Variants in NFATC3 observed in about 807,000 individuals in gnomAD.
The protein encoded by NFATC3 is nuclear factor of activated T cells 3, also known as nuclear factor of activated T-cells, cytoplasmic 3.
In NFATC3, 46 loss-of-function variants were observed where a neutral mutation model predicts 98.6. That is an observed-to-expected ratio of 0.47 (90% CI 0.37 to 0.60). The LOEUF (loss-of-function observed/expected upper bound fraction) is 0.60. Ranked by LOEUF, NFATC3 falls within the 20% of genes least tolerant of loss-of-function variation. The probability of loss-of-function intolerance (pLI) is 0.00; values close to 1 mark genes in which losing one functional copy is unlikely to be tolerated. For synonymous variants in NFATC3, 512 were observed against 472.2 expected, an observed-to-expected ratio of 1.08 and a Z score of -1.09; for missense variants, 1,256 against 1,295.5, an observed-to-expected ratio of 0.97 and a Z score of 0.47.
At chr16:68,118,358 G>A (rs1295930513) in intron 1 of NFATC3, among the ~76,000 whole-genome samples, 1 of 151,980 alleles carries the variant, frequency 6.6e-6, no homozygotes, top group African/African-American at 2.4e-5. Flanking sequence ...TGAGGGCGGG[G>A]GACCATATGT....
At position 68,227,936 on chromosome 16, in the gene NFATC3, ATT is replaced by A. The variant is rs1265265699; in HGVS notation, c.*1470_*1471del. 6.6e-6 allele frequency: 1 copy of A among 152,062 alleles called. No individual in the cohort carries two copies. Among genetic ancestry groups the A allele is most frequent in the African/African-American group, 2.4e-5 (1 of 41,386 alleles). 9.4% of individuals were successfully genotyped at this position (152,062 alleles called of 1,614,324 possible). On this transcript the variant is annotated 3_prime_UTR_variant, in exon 10 of 10. Coordinates refer to ENST00000346183, the MANE Select transcript of NFATC3 (RefSeq NM_173165.3). ...ATACTTCCATTGATTCAGGAAGCAG[ATT>A]TTTTGAGTGCCTATATGTGAGACAG... is the stretch of plus-strand genomic sequence containing the variant.
intron 9 of NFATC3, among the ~76,000 whole-genome samples, chr16:68,216,731 C>T (rs934690696): frequency 1.2e-4 from 18 of 152,004 alleles, no homozygotes; most frequent in African/African-American, 4.1e-4. Flanking sequence ...TGGGATTTCA[C>T]CGTGTTGGCC....
At chr16:68,149,768 AT>A (rs2038219630) in intron 3 of NFATC3, among the ~76,000 whole-genome samples, 1 of 152,236 alleles carries the variant, frequency 6.6e-6, no homozygotes. Flanking sequence ...CAAAGGGTTA[AT>A]ATGCTTAGTA....
intron 9 of NFATC3, among the ~76,000 whole-genome samples, chr16:68,198,650 T>G (rs1305350139): frequency 6.6e-6 from 1 of 151,624 alleles, no homozygotes; most frequent in Non-Finnish European, 1.5e-5. Flanking sequence ...GGTTCATGCC[T>G]TGTAATCCCA....
In NFATC3 at chr16:68,174,516, T is replaced by C; in HGVS notation, c.1915+2T>C. On this transcript the variant is annotated splice_donor_variant, in intron 6 of 9. Transcript: ENST00000346183. LOFTEE classifies it high-confidence loss of function. The stretch of plus-strand genomic sequence containing the variant: ...TCATTTTTCTTGAAAAAGGACAAGG[T>C]AAGTAATATATGAGTTGATTGACTT... 1 of 1,593,546 alleles carries C rather than the reference T, an allele frequency of 6.3e-7. No individual in the cohort carries two copies. Among genetic ancestry groups the C allele is most frequent in the East Asian group, 2.3e-5 (1 of 44,362 alleles).
At chr16:68,181,945 C>T (rs1288539851) in intron 7 of NFATC3, among the ~76,000 whole-genome samples, 4 of 151,706 alleles carry the variant, frequency 2.6e-5, no homozygotes, top group East Asian at 3.9e-4. Flanking sequence ...AAATTTCTAG[C>T]GGTTTGGAAG....
At chr16:68,166,219 T>C (rs1341332953) in intron 4 of NFATC3, among the ~76,000 whole-genome samples, 2 of 152,236 alleles carry the variant, frequency 1.3e-5, no homozygotes, top group Non-Finnish European at 2.9e-5. Flanking sequence ...CTTATAGTTA[T>C]CACTCTATTA....
intron 1 of NFATC3, among the ~76,000 whole-genome samples, chr16:68,117,622 C>A (rs778069255): frequency 2.0e-5 from 3 of 152,214 alleles, no homozygotes; most frequent in Non-Finnish European, 4.4e-5. Context: ...ACCCTCCTGC[C>A]TCAGCCTCTC....
rs187393702 is a variant in NFATC3 at position 68,167,614 on chromosome 16, A to G, written c.1774+599A>G. Among the ~76,000 whole-genome samples the G allele has an allele frequency of 8.2e-4, 124 of 152,074 alleles. 1 individual carries two copies. The highest frequency in any genetic ancestry group is 3.4e-3 in the Middle Eastern group (1 of 294). On this transcript the variant is annotated intron_variant, in intron 5 of 9. Transcript: ENST00000346183. ...TATGACTTGAAATATTGAGACTAAT[A>G]CTTGATCTTTAGGACATAATTTAGA...
At position 68,126,504 on chromosome 16, in the gene NFATC3, A is replaced by G. The variant is rs1429092667; in HGVS notation, c.1295A>G (p.Glu432Gly). ...TTACCAGCTCATTTTGGACAATGTG[A>G]ACTGAAAATAGAAGTGCAACCTAAA... The part of the protein sequence containing the change: ...WPLPAHFGQC[E>G]LKIEVQPKTH... The change falls in exon 3 of 10, where the codon GAA becomes GGA. Residue 432 changes from glutamate to glycine, a missense_variant. Transcript: ENST00000346183. The G allele has an allele frequency of 6.2e-7, 1 of 1,614,030 alleles. No individual in the cohort carries two copies. Among genetic ancestry groups the G allele is most frequent in the African/African-American group, 1.3e-5 (1 of 74,934 alleles).
At chr16:68,218,863 C>A (rs1398621723) in intron 9 of NFATC3, among the ~76,000 whole-genome samples, 1 of 151,720 alleles carries the variant, frequency 6.6e-6, no homozygotes, top group African/African-American at 2.4e-5. Context: ...TGAGCCACCA[C>A]GCCCGGCCTA....
At chr16:68,100,683 G>A (rs1277992920) in intron 1 of NFATC3, among the ~76,000 whole-genome samples, 3 of 151,704 alleles carry the variant, frequency 2.0e-5, no homozygotes, top group African/African-American at 4.8e-5. Context: ...GCAGCATTTG[G>A]TATTAACACC....
intron 9 of NFATC3, chr16:68,217,815 TACGTAC>T: frequency 8.1e-7 from 1 of 1,231,466 alleles, no homozygotes; most frequent in Non-Finnish European, 1.0e-6. Flanking sequence ...ATGAGGAAGA[TACGTAC>T]ATCGCTTTTG....
chr16:68,192,251 A>ATGTATG (rs1555522059), intron 9 of NFATC3: 1 of 109,128 alleles, frequency 9.2e-6, no homozygotes, highest in African/African-American at 3.1e-5. Flanking sequence ...ATATATATAT[A>ATGTATG]TATGTATGTG....
At chr16:68,151,265 A>G (rs1741292457) in intron 3 of NFATC3, among the ~76,000 whole-genome samples, 1 of 152,114 alleles carries the variant, frequency 6.6e-6, no homozygotes, top group East Asian at 1.9e-4. Flanking sequence ...ACGCTTACAC[A>G]TGCTTGATAA....
chr16:68,118,354 CG>C (rs913851951), intron 1 of NFATC3, among the ~76,000 whole-genome samples: 1 of 152,046 alleles, frequency 6.6e-6, no homozygotes, highest in Non-Finnish European at 1.5e-5. Flanking sequence ...TTAATGAGGG[CG>C]GGGGACCATA....
intron 1 of NFATC3, among the ~76,000 whole-genome samples, chr16:68,115,530 T>C (rs1332364646): frequency 6.6e-6 from 1 of 152,054 alleles, no homozygotes; most frequent in Non-Finnish European, 1.5e-5. Flanking sequence ...GTTCAACTGA[T>C]TCCCCTGCCC....
At position 68,101,046 on chromosome 16, in the gene NFATC3, C is replaced by G. The variant is rs146485634; in HGVS notation, c.103+15262C>G. The stretch of plus-strand genomic sequence containing the variant: ...AGTTTTACATTTTGATGAAGTTTGC[C>G]TTACCAATTTTTTCTTTCATGGATT... On this transcript the variant is annotated intron_variant, in intron 1 of 9. Coordinates refer to ENST00000346183, the MANE Select transcript of NFATC3 (RefSeq NM_173165.3). 1.2e-4 allele frequency among the ~76,000 whole-genome samples: 19 copies of G among 152,152 alleles called. No individual in the cohort carries two copies. In the East Asian group the frequency reaches 3.7e-3, roughly 29 times the overall value.
At chr16:68,180,682 G>T (rs1213416000) in intron 6 of NFATC3, among the ~76,000 whole-genome samples, 1 of 152,054 alleles carries the variant, frequency 6.6e-6, no homozygotes, top group Non-Finnish European at 1.5e-5. Context: ...CCCAGTGTGT[G>T]ATATTCCCCA....
Sources: gnomAD v4.1 joint callset for allele counts (sites outside exome capture counted in the v4.1 genomes callset) on GRCh38, gnomAD v4.1.1 for gene constraint, MANE v1.5 for transcripts, NCBI Gene and HGNC (gene_info 2026-07-23, HGNC 2026-07-21) for gene names.